Variants in RGPD4 observed in about 807,000 individuals in gnomAD.
RGPD4 encodes the protein RANBP2 like and GRIP domain containing 4, also known as ranBP2-like and GRIP domain-containing protein 4.
RGPD4 carries 84 observed loss-of-function variants against 141.1 expected under a neutral mutation model. That is an observed-to-expected ratio of 0.60 (90% CI 0.50 to 0.71). The LOEUF (loss-of-function observed/expected upper bound fraction) is 0.71. RGPD4 is among the 30% of genes least tolerant of loss of function. The pLI is 0.00. For synonymous variants in RGPD4, 298 were observed against 566.8 expected (o/e 0.53, Z 6.74); for missense variants, 918 against 1,622.4 (o/e 0.57, Z 7.46).
intron 6 of RGPD4, among the ~76,000 whole-genome samples, chr2:107,846,569 C>A (rs543187039): frequency 1.3e-5 from 2 of 149,480 alleles, no homozygotes; most frequent in African/African-American, 5.0e-5. Context: ...CAGGTTCAAG[C>A]GATTCTCCTG....
At chr2:107,863,729 G>A (rs1428009419) in intron 17 of RGPD4, among the ~76,000 whole-genome samples, 4 of 151,806 alleles carry the variant, frequency 2.6e-5, no homozygotes, top group South Asian at 2.1e-4. Context: ...CTGACCTCAG[G>A]CGATCTGCCC....
chr2:107,844,560 C>G (rs2104420376), intron 6 of RGPD4, among the ~76,000 whole-genome samples: 1 of 150,454 alleles, frequency 6.6e-6, no homozygotes, highest in South Asian at 2.1e-4. Context: ...ATTTCCCCAT[C>G]TGGTATAAGG....
chr2:107,873,574 C>CAAAAAAAAAAAAAAAA (rs3053241), intron 20 of RGPD4, among the ~76,000 whole-genome samples: 1 of 125,390 alleles, frequency 8.0e-6, no homozygotes, highest in Non-Finnish European at 1.6e-5. Context: ...ACTTTGTCTC[C>CAAAAAAAAAAAAAAAA]AAAAAAAAAA....
Position 107,888,562 on chromosome 2 carries a change from C to G in RGPD4, c.5267-2159C>G, listed in dbSNP as rs182238241. On this transcript the variant is annotated intron_variant, in intron 22 of 22. Transcript: ENST00000408999. ...TTTTCAGAGTTCTTTGCCCTCATTCCCTCCTCCAGAAATTCATGCCTTTGT... is the reference window on the plus strand; with the variant it reads ...TTTTCAGAGTTCTTTGCCCTCATTCGCTCCTCCAGAAATTCATGCCTTTGT... 2.8e-3 allele frequency among the ~76,000 whole-genome samples: 423 copies of G among 151,896 alleles called. 4 individuals are homozygous for G. Among genetic ancestry groups the G allele is most frequent in the African/African-American group, 9.4e-3 (387 of 41,322 alleles).
chr2:107,828,254 G>C (rs1228000864), intron 1 of RGPD4, among the ~76,000 whole-genome samples: 12 of 40,640 alleles, frequency 3.0e-4, no homozygotes, highest in Admixed American at 5.0e-4. Context: ...CGGCGGCCTC[G>C]ATGGCTCAGG....
intron 20 of RGPD4, among the ~76,000 whole-genome samples, chr2:107,877,770 T>TA (rs1386023165): frequency 1.3e-5 from 2 of 151,774 alleles, no homozygotes; most frequent in African/African-American, 4.9e-5. Context: ...TAGCTGCTAT[T>TA]AAAATGACTA....
At chr2:107,881,918 A>G (rs978340963) in intron 21 of RGPD4, among the ~76,000 whole-genome samples, 2 of 151,680 alleles carry the variant, frequency 1.3e-5, no homozygotes, top group African/African-American at 4.9e-5. Context: ...TTCACTGTGG[A>G]CGTCTTAACT....
intron 1 of RGPD4, among the ~76,000 whole-genome samples, chr2:107,829,860 C>G (rs1019442105): frequency 1.3e-5 from 2 of 151,978 alleles, no homozygotes; most frequent in African/African-American, 2.4e-5. Context: ...GGTGCTGTAT[C>G]GGCGGGTTTC....
Position 107,859,658 on chromosome 2 carries a change from T to C in RGPD4, c.1635-64T>C. On this transcript the variant is annotated intron_variant, in intron 11 of 22. Transcript: ENST00000408999. ...ATTTGTCATGTGACCCATTAACATA[T>C]ATGTATGTAAGCGCTGAACTGTGTA... The C allele has an allele frequency of 1.9e-6, 3 of 1,611,276 alleles. No individual in the cohort carries two copies. In the South Asian group the frequency reaches 3.3e-5, roughly 18 times the overall value.
intron 18 of RGPD4, among the ~76,000 whole-genome samples, chr2:107,869,540 CCTTT>C (rs1304409668): frequency 6.9e-6 from 1 of 144,178 alleles, no homozygotes; most frequent in Non-Finnish European, 1.5e-5. Flanking sequence ...TTCCTTACGT[CCTTT>C]CTGTGACTGA....
At chr2:107,849,338 G>C (rs1682051025) in intron 7 of RGPD4, among the ~76,000 whole-genome samples, 1 of 104,802 alleles carries the variant, frequency 9.5e-6, no homozygotes, top group Admixed American at 9.8e-5. Flanking sequence ...ACAGGCGCGA[G>C]GCACTGCGCC....
intron 6 of RGPD4, among the ~76,000 whole-genome samples, chr2:107,844,802 C>CCCTT (rs1553445043): frequency 1.1e-3 from 58 of 53,848 alleles, no homozygotes; most frequent in Middle Eastern, 0.016. Context: ...TATGTGGGTT[C>CCCTT]CTTTCTTTCT....
chr2:107,855,673 AC>A (rs1682283530), intron 8 of RGPD4, among the ~76,000 whole-genome samples: 1 of 101,050 alleles, frequency 9.9e-6, no homozygotes. Context: ...CATACGCTTC[AC>A]CCATTTAAAG....
chr2:107,871,423 G>A lies in RGPD4; in HGVS notation c.3419G>A (p.Gly1140Asp). 1.8e-6 allele frequency: 2 copies of A among 1,102,228 alleles called. No homozygotes were observed. Among genetic ancestry groups the A allele is most frequent in the South Asian group, 1.5e-5 (1 of 67,292 alleles). The allele number at this position is 1,102,228 out of a possible 1,614,324, so 68.3% of individuals were successfully genotyped here. Residue 1140 changes from glycine (G) to aspartate (D), a missense_variant, in exon 20 of 23, where the codon GGT (glycine) becomes GAT (aspartate). By Grantham distance (94) the Gly-to-Asp change is moderately conservative. Coordinates refer to ENST00000408999, the MANE Select transcript of RGPD4 (RefSeq NM_182588.3). ...WMWSASDFSD[G>D]DAKLERLAAK... ...TGGTCAGCCAGTGATTTCTCTGATG[G>A]TGATGCCAAACTAGAGCGGTTAGCA...
chr2:107,857,227 TC>T (rs1682353482), intron 9 of RGPD4, among the ~76,000 whole-genome samples: 1 of 151,228 alleles, frequency 6.6e-6, no homozygotes. Flanking sequence ...AACCTCTGCC[TC>T]CCGGGTTCAA....
chr2:107,845,640 C>A (rs909597862), intron 6 of RGPD4, among the ~76,000 whole-genome samples: 1 of 152,398 alleles, frequency 6.6e-6, no homozygotes, highest in Non-Finnish European at 1.5e-5. Flanking sequence ...CTTTGTTACC[C>A]GCCTTGTGAA....
In RGPD4 at chr2:107,885,607, C is replaced by T. The variant is rs1378507683; in HGVS notation, c.5266+2734C>T. On this transcript the variant is annotated intron_variant, in intron 22 of 22. Transcript: ENST00000408999. The stretch of plus-strand genomic sequence containing the variant: ...ATGTGCATTTGGTAAGTCCTGTAAA[C>T]AGACAGGAAAACACATTTAAATTAG... Among the ~76,000 whole-genome samples the T allele has an allele frequency of 2.0e-5, 3 of 152,100 alleles. No individual in the cohort carries two copies. The East Asian group carries it at 5.8e-4, about 29-fold the overall frequency.
At position 107,826,947 on chromosome 2, in the gene RGPD4, G is replaced by T; in HGVS notation, c.-67G>T. On this transcript the variant is annotated 5_prime_UTR_variant, in exon 1 of 23. Coordinates refer to ENST00000408999, the MANE Select transcript of RGPD4 (RefSeq NM_182588.3). Reference sequence around the variant, plus strand: ...AGTGGCTTTCAGGCGCTTTCCTGTTGGAATTGGCGACTGCTGCGGGGCTGA... The same window carrying T: ...AGTGGCTTTCAGGCGCTTTCCTGTTTGAATTGGCGACTGCTGCGGGGCTGA... 3 of 1,553,718 alleles carry T rather than the reference G, an allele frequency of 1.9e-6. No homozygotes were observed. The highest frequency in any genetic ancestry group is 2.6e-6 in the Non-Finnish European group (3 of 1,149,424).
At chr2:107,831,765 G>A (rs1460075258) in intron 1 of RGPD4, among the ~76,000 whole-genome samples, 1 of 145,788 alleles carries the variant, frequency 6.9e-6, no homozygotes, top group African/African-American at 2.6e-5. Context: ...TAGAGACGGG[G>A]TTTCACCGTG....
Sources: allele counts gnomAD v4.1 joint callset (sites outside exome capture counted in the v4.1 genomes callset), GRCh38; gene constraint gnomAD v4.1.1; transcripts MANE v1.5; gene names NCBI Gene and HGNC (gene_info 2026-07-23, HGNC 2026-07-21).